CLTCL1: variants seen among roughly 807,000 people sequenced by gnomAD.
CLTCL1 encodes the protein clathrin heavy chain 2.
Under a neutral mutation model 190.0 loss-of-function variants are expected in CLTCL1, and 159 were observed. The ratio of observed to expected loss-of-function variants is 0.84; its 90% CI spans 0.74 to 0.95. CLTCL1 has a LOEUF of 0.95. Among genes scored for constraint, CLTCL1 ranks in the 40% least tolerant of loss-of-function variants. CLTCL1 has a pLI of 0.00. For synonymous variants in CLTCL1, 752 were observed against 769.6 expected (o/e 0.98, Z 0.38); for missense variants, 1,878 against 2,033.4 (o/e 0.92, Z 1.47).
chr22:19,279,617 T>C (rs1181066983), intron 1 of CLTCL1, among the ~76,000 whole-genome samples: 1 of 152,232 alleles, frequency 6.6e-6, no homozygotes, highest in East Asian at 1.9e-4. Context: ...GTAAATGTGA[T>C]AGAATAAATC....
At chr22:19,284,457 T>C (rs1020213534) in intron 1 of CLTCL1, among the ~76,000 whole-genome samples, 1 of 151,388 alleles carries the variant, frequency 6.6e-6, no homozygotes, top group African/African-American at 2.4e-5. Context: ...GGTCAGGAGT[T>C]GGAGACCAGC....
chr22:19,246,018 C>A (rs559426457), intron 3 of CLTCL1, among the ~76,000 whole-genome samples: 1 of 152,262 alleles, frequency 6.6e-6, no homozygotes, highest in East Asian at 1.9e-4. Flanking sequence ...TAGGTAGACA[C>A]CTAACAGTGG....
chr22:19,261,835 T>C (rs2086958175), intron 2 of CLTCL1, among the ~76,000 whole-genome samples: 2 of 152,040 alleles, frequency 1.3e-5, no homozygotes, highest in South Asian at 4.1e-4. Context: ...CTACAAGAAT[T>C]TAGAACAGTA....
At chr22:19,240,513 C>T (rs1337445683) in intron 4 of CLTCL1, among the ~76,000 whole-genome samples, 2 of 151,964 alleles carry the variant, frequency 1.3e-5, no homozygotes, top group East Asian at 1.9e-4. Context: ...GGAGGCTGAG[C>T]GGCAAGCATG....
intron 3 of CLTCL1, among the ~76,000 whole-genome samples, chr22:19,245,737 T>A (rs1385295169): frequency 6.6e-6 from 1 of 152,226 alleles, no homozygotes; most frequent in South Asian, 2.1e-4. Context: ...ATTCTAAATA[T>A]TTCATATAAA....
At chr22:19,282,631 A>T (rs1377825794) in intron 1 of CLTCL1, among the ~76,000 whole-genome samples, 6 of 151,234 alleles carry the variant, frequency 4.0e-5, no homozygotes. Flanking sequence ...TCTGTCTCAA[A>T]AAAAAAAAAA....
intron 3 of CLTCL1, among the ~76,000 whole-genome samples, chr22:19,249,166 C>T (rs1266679941): frequency 1.3e-5 from 2 of 152,118 alleles, no homozygotes; most frequent in Non-Finnish European, 2.9e-5. Flanking sequence ...TGAGACCATC[C>T]TGGCTAACAT....
intron 18 of CLTCL1, 23 bp from the exon 19 acceptor site, chr22:19,216,279 A>G (rs782091705): frequency 3.5e-5 from 57 of 1,612,002 alleles, no homozygotes; most frequent in Non-Finnish European, 4.6e-5. Flanking sequence ...AGCATTTGAA[A>G]GAACTTGATT....
Position 19,196,348 on chromosome 22 carries a change from T to A in CLTCL1, c.4109A>T (p.Glu1370Val), listed in dbSNP as rs782105034. 1 of 1,614,026 alleles carries A rather than the reference T, an allele frequency of 6.2e-7. No individual in the cohort carries two copies. Among genetic ancestry groups the A allele is most frequent in the Non-Finnish European group, 8.5e-7 (1 of 1,179,900 alleles). The change falls in exon 26 of 33, where the codon GAG (glutamate) becomes GTG (valine). Residue 1370 changes from glutamate (E) to valine (V), a missense_variant. Transcript: ENST00000427926. ...CATGGTGAGCACAGCATTGTCATAC[T>A]CCTCGTACTTGTCATAGAGGAACAC... ...ELVFLYDKYE[E>V]YDNAVLTMMS...
At chr22:19,187,491 A>AC in intron 29 of CLTCL1, 67 bp downstream of exon 29, 1 of 1,522,056 alleles carries the variant, frequency 6.6e-7, no homozygotes. Context: ...AAGGGATGTG[A>AC]CCCCCAAAGC....
intron 13 of CLTCL1, among the ~76,000 whole-genome samples, chr22:19,225,150 C>G (rs1555955028): frequency 1.3e-5 from 2 of 152,218 alleles, no homozygotes; most frequent in Admixed American, 6.5e-5. Flanking sequence ...ACCCACGACA[C>G]AGGCTTTTAG....
intron 30 of CLTCL1, chr22:19,182,491 G>A (rs1009926415): frequency 1.3e-5 from 2 of 152,264 alleles, no homozygotes; most frequent in East Asian, 1.9e-4. Flanking sequence ...GGAGGGCAAC[G>A]GCCTTGAATG....
At position 19,221,472 on chromosome 22, in the gene CLTCL1, C is replaced by A. The variant is rs1555952263; in HGVS notation, c.2701G>T (p.Asp901Tyr). ...ECFLRENAYY[D>Y]SSVVGRYCEK... ...CAGTAGCGGCCCACCACGCTGCTGT[C>A]ATAGTAGGCATTCTCTCTCAGGAAG... Residue 901 changes from aspartate (D) to tyrosine (Y), a missense_variant, in exon 17 of 33, where the codon GAC becomes TAC. Transcript: ENST00000427926. 6.3e-7 allele frequency: 1 copy of A among 1,591,036 alleles called. No homozygotes were observed. Among genetic ancestry groups the A allele is most frequent in the Non-Finnish European group, 8.6e-7 (1 of 1,168,548 alleles).
intron 1 of CLTCL1, among the ~76,000 whole-genome samples, chr22:19,286,256 C>T (rs117639754): frequency 0.031 from 4,707 of 152,252 alleles, 109 homozygotes; most frequent in Admixed American, 0.067. Flanking sequence ...AATGCCACAG[C>T]GGTAGGTACT....
At chr22:19,276,014 T>C (rs1350453149) in intron 1 of CLTCL1, among the ~76,000 whole-genome samples, 184 bp from the exon 2 acceptor site, 1 of 88,176 alleles carries the variant, frequency 1.1e-5, no homozygotes, top group Non-Finnish European at 2.4e-5. Context: ...GTGAATCAAC[T>C]CTCCTTGAGA....
chr22:19,271,385 AGT>A (rs2087312948), intron 2 of CLTCL1, among the ~76,000 whole-genome samples: 1 of 151,894 alleles, frequency 6.6e-6, no homozygotes, highest in Non-Finnish European at 1.5e-5. Flanking sequence ...GATGGGTATA[AGT>A]GTGTGTGTGG....
At chr22:19,183,317 G>A (rs2084202015) in intron 30 of CLTCL1, 73 bp downstream of exon 30, 1 of 1,371,886 alleles carries the variant, frequency 7.3e-7, no homozygotes, top group Admixed American at 1.9e-5. Context: ...CTTAAGACCT[G>A]CGGCCAGAGT....
intron 10 of CLTCL1, among the ~76,000 whole-genome samples, chr22:19,231,905 T>C (rs868968704): frequency 1.3e-5 from 2 of 152,244 alleles, no homozygotes; most frequent in African/African-American, 2.4e-5. Context: ...ACTGCACTTA[T>C]TATTTCTAAA....
intron 10 of CLTCL1, among the ~76,000 whole-genome samples, chr22:19,230,724 C>T (rs1555958619): frequency 6.6e-6 from 1 of 152,132 alleles, no homozygotes; most frequent in East Asian, 1.9e-4. Context: ...TACTTAATCA[C>T]ATCCTAGAGG....
Sources: gnomAD v4.1 joint callset for allele counts (sites outside exome capture counted in the v4.1 genomes callset) on GRCh38, gnomAD v4.1.1 for gene constraint, MANE v1.5 for transcripts, NCBI Gene and HGNC (gene_info 2026-07-23, HGNC 2026-07-21) for gene names.